GFPT2: variants seen among roughly 807,000 people sequenced by gnomAD.
GFPT2 encodes the protein glutamine--fructose-6-phosphate aminotransferase [isomerizing] 2.
Under a neutral mutation model 85.6 loss-of-function variants are expected in GFPT2, and 62 were observed. The observed-to-expected ratio is 0.72, with a 90% CI of 0.59 to 0.90. GFPT2 has a LOEUF of 0.90. GFPT2 is among the 40% of genes least tolerant of loss of function. The pLI, the probability that GFPT2 is intolerant of heterozygous loss-of-function variation, is 0.00. For synonymous variants in GFPT2, 368 were observed against 344.5 expected (o/e 1.07, Z -0.75); for missense variants, 788 against 893.4 (o/e 0.88, Z 1.50).
rs1274884442 is a variant in GFPT2 at position 180,313,788 on chromosome 5, C to A, written c.1431+19G>T. 6.5e-7 allele frequency: 1 copy of A among 1,533,724 alleles called. No individual in the cohort carries two copies. The highest frequency in any genetic ancestry group is 2.4e-5 in the East Asian group (1 of 40,818). ...TCCGCCAGGCTCTCCCTGGGACGGG[C>A]GCCCGTGGCTCCTCCTACCTTGGTG... On this transcript the variant is annotated intron_variant, in intron 14 of 18. Coordinates refer to ENST00000253778, the MANE Select transcript of GFPT2 (RefSeq NM_005110.4).
At position 180,301,035 on chromosome 5, in the gene GFPT2, G is replaced by C. The variant is rs1448678085; in HGVS notation, c.*529C>G. 2 of 155,492 alleles carry C rather than the reference G, an allele frequency of 1.3e-5. No homozygotes were observed. The highest frequency in any genetic ancestry group is 6.3e-5 in the Admixed American group (1 of 15,820). 9.6% of individuals were successfully genotyped at this position (155,492 alleles called of 1,614,324 possible). ...GAACAGGATTCAGGAGCAGCCTAGA[G>C]AGGAAAGAAAAGGAGAAAGGAGTCC... On this transcript the variant is annotated 3_prime_UTR_variant, in exon 19 of 19. Coordinates refer to ENST00000253778, the MANE Select transcript of GFPT2 (RefSeq NM_005110.4).
chr5:180,312,356 T>A (rs1763909700), intron 15 of GFPT2, 74 bp downstream of exon 15: 1 of 814,918 alleles, frequency 1.2e-6, no homozygotes, highest in Non-Finnish European at 2.2e-6. Context: ...CCTGTACAGG[T>A]GAGAGTCAAC....
Position 180,328,308 on chromosome 5 carries a change from C to G in GFPT2, c.565G>C (p.Val189Leu). The G allele has an allele frequency of 6.2e-7, 1 of 1,613,394 alleles. No individual in the cohort carries two copies. ...EGAFALVFKS[V>L]HYPGEAVATR... The stretch of plus-strand genomic sequence containing the variant: ...GCAACGGCTTCTCCTGGGTAGTGGA[C>G]ACTCTTGAAAACCAGCGCGAATGCA... Residue 189 changes from valine (V) to leucine (L), a missense_variant, in exon 7 of 19, where the codon GTC (valine) becomes CTC (leucine). Val to Leu is a conservative substitution (Grantham distance 32, BLOSUM62 1). Transcript: ENST00000253778. This position sits in a 1 kb window ranked among gnomAD's most constrained non-coding sequence, Gnocchi z 5.4.
At chr5:180,334,389 G>A (rs984999830) in intron 4 of GFPT2, among the ~76,000 whole-genome samples, 3 of 152,276 alleles carry the variant, frequency 2.0e-5, no homozygotes, top group Admixed American at 1.3e-4. Flanking sequence ...GTGGGTGGTG[G>A]GGGTGCCTGC....
intron 1 of GFPT2, 45 bp downstream of exon 1, chr5:180,353,166 C>A (rs1428960289): frequency 2.4e-6 from 3 of 1,229,864 alleles, no homozygotes; most frequent in Non-Finnish European, 3.0e-6. Flanking sequence ...CGCCGGGACC[C>A]GCGGACGGCG....
intron 3 of GFPT2, 161 bp from the exon 4 acceptor site, chr5:180,336,114 G>A (rs182863002): frequency 1.4e-4 from 89 of 616,668 alleles, no homozygotes; most frequent in African/African-American, 4.6e-4. Context: ...CAAACCACCC[G>A]TGCTGAAGGT....
At chr5:180,351,196 TC>T (rs1159738532) in intron 1 of GFPT2, among the ~76,000 whole-genome samples, 2 of 151,834 alleles carry the variant, frequency 1.3e-5, no homozygotes, top group Admixed American at 6.6e-5. Flanking sequence ...CAGACCATCA[TC>T]CCCCCCAAAC....
intron 13 of GFPT2, 64 bp downstream of exon 13, chr5:180,316,274 AAGG>A (rs1174291988): frequency 9.1e-6 from 14 of 1,546,718 alleles, no homozygotes; most frequent in South Asian, 1.1e-5. Flanking sequence ...TAACTGAATG[AAGG>A]AGAAGAGGAG....
intron 15 of GFPT2, among the ~76,000 whole-genome samples, chr5:180,312,196 G>GGGGAGGCA (rs79602300): frequency 0.35 from 16,395 of 46,532 alleles, 4,169 homozygotes; most frequent in East Asian, 0.49. Flanking sequence ...CCAGGGAGGC[G>GGGGAGGCA]GGGAGGCAGG....
chr5:180,340,782 G>A (rs1225793628), intron 1 of GFPT2, among the ~76,000 whole-genome samples: 3 of 152,052 alleles, frequency 2.0e-5, no homozygotes, highest in Admixed American at 6.5e-5. Context: ...CCAAAGTGCT[G>A]GGATTACAGG....
At chr5:180,312,811 G>C (rs1217554960) in intron 14 of GFPT2, among the ~76,000 whole-genome samples, 1 of 151,606 alleles carries the variant, frequency 6.6e-6, no homozygotes. Context: ...AAGTCTTGCT[G>C]TGTCACCCAG....
intron 1 of GFPT2, among the ~76,000 whole-genome samples, chr5:180,347,825 G>A (rs1274694711): frequency 6.6e-6 from 1 of 152,194 alleles, no homozygotes; most frequent in African/African-American, 2.4e-5. Flanking sequence ...GCGTGGGGGT[G>A]GAGGGGAGGG....
intron 9 of GFPT2, among the ~76,000 whole-genome samples, chr5:180,322,347 T>C (rs1193447521): frequency 6.6e-6 from 1 of 152,004 alleles, no homozygotes; most frequent in East Asian, 1.9e-4. Context: ...GAATGTGGAA[T>C]CTCTTCCTAT....
chr5:180,314,765 C>T (rs116197724), intron 13 of GFPT2, among the ~76,000 whole-genome samples: 1,857 of 152,152 alleles, frequency 0.012, 36 homozygotes, highest in African/African-American at 0.042. Flanking sequence ...GGTGAGGGTG[C>T]GGGAAAGGGG....
intron 5 of GFPT2, 172 bp from the exon 6 acceptor site, chr5:180,331,006 C>CA: frequency 1.6e-6 from 1 of 615,390 alleles, no homozygotes; most frequent in Non-Finnish European, 2.8e-6. Flanking sequence ...ACCTCTGAGT[C>CA]ACTCCCGGAG....
At chr5:180,337,926 C>A (rs73351311) in intron 2 of GFPT2, among the ~76,000 whole-genome samples, 1 of 152,066 alleles carries the variant, frequency 6.6e-6, no homozygotes, top group Non-Finnish European at 1.5e-5. Flanking sequence ...GCAGGAGGAT[C>A]GCTTGGGGCT....
intron 1 of GFPT2, among the ~76,000 whole-genome samples, chr5:180,348,164 G>C (rs1436998810): frequency 6.6e-6 from 1 of 152,360 alleles, no homozygotes; most frequent in South Asian, 2.1e-4. Context: ...GCCTCCTAGA[G>C]ATTAGGTATC....
chr5:180,313,945 G>C lies in GFPT2; in HGVS notation c.1293C>G (p.Leu431=). ...ISQSGETADT[L]LALRYCKDRG... ...GGTCCTTACAGTAGCGCAGCGCCAG[G>C]AGGGTGTCCGCGGTCTCGCCTGCCG... is the stretch of plus-strand genomic sequence containing the variant. The change falls in exon 14 of 19, where the codon CTC becomes CTG. Residue 431 remains leucine, a synonymous_variant. Coordinates refer to ENST00000253778, the MANE Select transcript of GFPT2 (RefSeq NM_005110.4). 1.2e-6 allele frequency: 2 copies of C among 1,601,246 alleles called. No homozygotes were observed. The highest frequency in any genetic ancestry group is 1.7e-6 in the Non-Finnish European group (2 of 1,178,732).
Position 180,328,624 on chromosome 5 carries a change from G to A in GFPT2, c.535-286C>T, listed in dbSNP as rs1344446519. Among the ~76,000 whole-genome samples the A allele has an allele frequency of 4.6e-5, 7 of 152,350 alleles. No individual in the cohort carries two copies. Among genetic ancestry groups the A allele is most frequent in the South Asian group, 4.1e-4 (2 of 4,826 alleles). ...CGGCAGGGGTGCCAGCTGGGTAGACGGGGCAGTGAGAGTCACAGGAAATGA... is the reference window on the plus strand; with the variant it reads ...CGGCAGGGGTGCCAGCTGGGTAGACAGGGCAGTGAGAGTCACAGGAAATGA... On this transcript the variant is annotated intron_variant, in intron 6 of 18. Transcript: ENST00000253778. The surrounding 1 kb of genome is among the most constrained non-coding windows in gnomAD (Gnocchi z 5.4).
Sources: gnomAD v4.1 joint callset for allele counts (sites outside exome capture counted in the v4.1 genomes callset) on GRCh38, gnomAD v4.1.1 for gene constraint, Gnocchi (gnomAD v3.1) non-coding constraint, MANE v1.5 for transcripts, NCBI Gene and HGNC (gene_info 2026-07-23, HGNC 2026-07-21) for gene names.